The following PSMD8 variants were observed in gnomAD, a reference collection of about 807,000 sequenced individuals.
The protein encoded by PSMD8 is proteasome 26S subunit, non-ATPase 8, also known as 26S proteasome non-ATPase regulatory subunit 8.
A neutral mutation model predicts 40.0 loss-of-function variants in PSMD8; 30 were observed. That is an observed-to-expected ratio of 0.75 (90% CI 0.56 to 1.02). The LOEUF is 1.02. Among genes scored for constraint, PSMD8 ranks in the 50% least tolerant of loss-of-function variants. PSMD8 has a pLI of 0.00. For synonymous variants in PSMD8, 208 were observed against 192.5 expected, an observed-to-expected ratio of 1.08 and a Z score of -0.67; for missense variants, 461 against 463.9, an observed-to-expected ratio of 0.99 and a Z score of 0.06.
Position 38,376,356 on chromosome 19 carries a change from C to T in PSMD8, c.438C>T (p.Asp146=). The change falls in exon 3 of 7, where the codon GAC becomes GAT. Residue 146 remains aspartate, a synonymous_variant. Transcript: ENST00000215071. ...LTKQQLILAR[D]ILEIGAQWSI... ...AGCTCACTCTGTCACCCACAGGTGA[C>T]ATACTGGAGATCGGGGCCCAATGGA... The T allele has an allele frequency of 1.3e-6, 2 of 1,551,892 alleles. No homozygotes were observed. Among genetic ancestry groups the T allele is most frequent in the Non-Finnish European group, 8.7e-7 (1 of 1,146,796 alleles).
rs549189258 is a variant in PSMD8, at chr19:38,383,142, C to T, written c.916-111C>T. On this transcript the variant is annotated intron_variant, in intron 6 of 6. Transcript: ENST00000215071. ...TTGTCAAGGGTCGTTGGGCAGAGTA[C>T]GATTGGTGAGAAAAGAGAGCATAGG... 2.7e-5 allele frequency: 38 copies of T among 1,412,926 alleles called. 1 individual carries two copies. The highest frequency in any genetic ancestry group is 2.4e-4 in the South Asian group (19 of 78,384). The allele number at this position is 1,412,926 out of a possible 1,614,324, so 87.5% of individuals were successfully genotyped here. A position where few individuals can be genotyped will look rare whatever the true frequency, so the allele number is the denominator to read the frequency against.
chr19:38,376,096 C>T, intron 1 of PSMD8, 64 bp from the exon 2 acceptor site: 3 of 1,423,966 alleles, frequency 2.1e-6, no homozygotes, highest in South Asian at 2.5e-5. Context: ...GAGCGTAGAG[C>T]AGGTAAGTCA....
Position 38,382,138 on chromosome 19 carries a change from C to A in PSMD8, c.825C>A (p.Ile275=). The change falls in exon 6 of 7, where the codon ATC becomes ATA. Residue 275 remains isoleucine, a synonymous_variant. Coordinates refer to ENST00000215071, the MANE Select transcript of PSMD8 (RefSeq NM_002812.5). The part of the protein sequence containing the change: ...DTIRDEIAGC[I]EKAYEKILFT... ...CCAGGGATGAGATCGCTGGGTGCAT[C>A]GAGAAGGCCTACGAGAAAATCCTTT... 1 of 1,577,306 alleles carries A rather than the reference C, an allele frequency of 6.3e-7. No homozygotes were observed. The highest frequency in any genetic ancestry group is 8.6e-7 in the Non-Finnish European group (1 of 1,162,176).
At position 38,383,253 on chromosome 19, in the gene PSMD8, C is replaced by T. The variant is rs750883235; in HGVS notation, c.916C>T (p.Arg306Ter). The change falls in exon 7 of 7, where the codon CGA becomes TGA. Residue 306 changes from arginine (R) to a stop codon, truncating the protein, a stop_gained and splice_region_variant. Transcript: ENST00000215071. LOFTEE classifies it high-confidence loss of function. ...GTCTCTAATCCCTCCTTTCCTGCAGCGAGGGTGGGTCCTGGGCCCCAACAA... is the reference window on the plus strand; with the variant it reads ...GTCTCTAATCCCTCCTTTCCTGCAGTGAGGGTGGGTCCTGGGCCCCAACAA... The part of the protein sequence containing the change: ...PKKMTDYAKK[R>*]GWVLGPNNYY... 25 of 1,612,388 alleles carry T rather than the reference C, an allele frequency of 1.6e-5. No individual in the cohort carries two copies. Among genetic ancestry groups the T allele is most frequent in the Non-Finnish European group, 2.0e-5 (24 of 1,179,868 alleles).
In PSMD8 at chr19:38,381,019, C is replaced by T. The variant is rs1176977726; in HGVS notation, c.803+20C>T. ...TATCAGGTGCGTAGCGGGGCCGGGCCCTGTGGAGTTTGGAAAGAACTTGGG... is the reference window on the plus strand; with the variant it reads ...TATCAGGTGCGTAGCGGGGCCGGGCTCTGTGGAGTTTGGAAAGAACTTGGG... On this transcript the variant is annotated intron_variant, in intron 5 of 6. Transcript: ENST00000215071. 8 of 1,518,626 alleles carry T rather than the reference C, an allele frequency of 5.3e-6. No individual in the cohort carries two copies. The highest frequency in any genetic ancestry group is 7.1e-6 in the Non-Finnish European group (8 of 1,127,884). The allele number at this position is 1,518,626 out of a possible 1,614,324, so 94.1% of individuals were successfully genotyped here.
rs775477223 is a variant in PSMD8 at position 38,383,398 on chromosome 19, G to A, written c.*8G>A. 28 of 1,613,786 alleles carry A rather than the reference G, an allele frequency of 1.7e-5. No homozygotes were observed. Among genetic ancestry groups the A allele is most frequent in the East Asian group, 2.2e-5 (1 of 44,904 alleles). On this transcript the variant is annotated 3_prime_UTR_variant, in exon 7 of 7. Transcript: ENST00000215071. ...CTGGAGATGATCGTCTGAGCCCCCC[G>A]GGCACTGGGTGGGGCAGGGCACGAG... is the stretch of plus-strand genomic sequence containing the variant.
intron 6 of PSMD8, chr19:38,382,453 C>T: frequency 6.8e-6 from 4 of 586,426 alleles, no homozygotes; most frequent in South Asian, 2.1e-5. Flanking sequence ...GAGGTGGGCG[C>T]TGCACGCATG....
rs375312541 is a variant in PSMD8 at position 38,376,345 on chromosome 19, C to T, written c.434-7C>T. On this transcript the variant is annotated splice_region_variant and splice_polypyrimidine_tract_variant and intron_variant, in intron 2 of 6. Coordinates refer to ENST00000215071, the MANE Select transcript of PSMD8 (RefSeq NM_002812.5). ...CACCTCCTGAGAGCTCACTCTGTCA[C>T]CCACAGGTGACATACTGGAGATCGG... 1.7e-5 allele frequency: 26 copies of T among 1,550,122 alleles called. No homozygotes were observed. The highest frequency in any genetic ancestry group is 6.8e-5 in the African/African-American group (5 of 72,998).
chr19:38,374,656 A>G lies in PSMD8; in HGVS notation c.55A>G (p.Thr19Ala), dbSNP rs1307685359. 2 of 1,520,956 alleles carry G rather than the reference A, an allele frequency of 1.3e-6. No individual in the cohort carries two copies. The highest frequency in any genetic ancestry group is 2.5e-5 in the South Asian group (2 of 80,912). The allele number at this position is 1,520,956 out of a possible 1,614,324, so 94.2% of individuals were successfully genotyped here. The change falls in exon 1 of 7, where the codon ACC (threonine) becomes GCC (alanine). Residue 19 changes from threonine to alanine, a missense_variant. By Grantham distance (58) the Thr-to-Ala change is moderately conservative (BLOSUM62 0). Coordinates refer to ENST00000215071, the MANE Select transcript of PSMD8 (RefSeq NM_002812.5). ...GCCACCTCGAGAGCGACGGCGGGCTACCCGGGGCGGGCTGAGGCAGGTTGT... is the reference window on the plus strand; with the variant it reads ...GCCACCTCGAGAGCGACGGCGGGCTGCCCGGGGCGGGCTGAGGCAGGTTGT... ...RAPPRERRRA[T>A]RGGLRQVVAP...
chr19:38,375,061 T>C, intron 1 of PSMD8, 100 bp downstream of exon 1: 1 of 1,494,104 alleles, frequency 6.7e-7, no homozygotes, highest in East Asian at 2.5e-5. Flanking sequence ...GCCACCTCGG[T>C]GCCAGCGAGA....
chr19:38,378,850 G>T (rs951472925), intron 3 of PSMD8, among the ~76,000 whole-genome samples: 51 of 152,212 alleles, frequency 3.4e-4, no homozygotes, highest in African/African-American at 1.2e-3. Flanking sequence ...CTACTTGGGA[G>T]GCTAAATCAG....
intron 4 of PSMD8, among the ~76,000 whole-genome samples, chr19:38,380,598 G>A (rs1442741651): frequency 2.1e-5 from 3 of 139,860 alleles, no homozygotes; most frequent in African/African-American, 7.9e-5. Context: ...CTCCCTCCTG[G>A]AAAATAGATG....
chr19:38,376,178 A>G lies in PSMD8; in HGVS notation c.379A>G (p.Asn127Asp), dbSNP rs761594263. The change falls in exon 2 of 7, where the codon AAC becomes GAC. Residue 127 changes from asparagine to aspartate, a missense_variant. By Grantham distance (23) the Asn-to-Asp change is conservative (BLOSUM62 1). Around this residue, in one of 2 missense-constraint regions of PSMD8, gnomAD observed 236 missense variants for 321.2 expected, o/e 0.73. Transcript: ENST00000215071. ...GRLKLVLLEL[N>D]FLPTTGTKLT... ...CCATCAGCTAGTTCTTCTGGAGCTC[A>G]ACTTCTTGCCAACCACAGGGACCAA... 9 of 1,608,562 alleles carry G rather than the reference A, an allele frequency of 5.6e-6. No homozygotes were observed. Among genetic ancestry groups the G allele is most frequent in the Non-Finnish European group, 7.6e-6 (9 of 1,176,922 alleles).
chr19:38,380,370 G>A (rs745963882), intron 4 of PSMD8, among the ~76,000 whole-genome samples: 11 of 152,232 alleles, frequency 7.2e-5, no homozygotes, highest in East Asian at 3.8e-4. Flanking sequence ...TGTGTCTGCT[G>A]TGTTCGAAGG....
In PSMD8 at chr19:38,380,999, G is replaced by A; in HGVS notation, c.803G>A (p.Arg268Lys). The change falls in exon 5 of 7, where the codon AGG becomes AAG. Residue 268 changes from arginine to lysine, a missense_variant and splice_region_variant. Arg to Lys is a conservative substitution (Grantham distance 26). Coordinates refer to ENST00000215071, the MANE Select transcript of PSMD8 (RefSeq NM_002812.5). The part of the protein sequence containing the change: ...FFIDILLDTI[R>K]DEIAGCIEKA... Reference sequence around the variant, plus strand: ...ATTGACATCCTGCTCGACACTATCAGGTGCGTAGCGGGGCCGGGCCCTGTG... The same window carrying A: ...ATTGACATCCTGCTCGACACTATCAAGTGCGTAGCGGGGCCGGGCCCTGTG... The A allele has an allele frequency of 6.4e-7, 1 of 1,566,820 alleles. No homozygotes were observed. The highest frequency in any genetic ancestry group is 1.4e-5 in the African/African-American group (1 of 73,704).
In PSMD8 at chr19:38,379,392, T is replaced by C; in HGVS notation, c.689T>C (p.Val230Ala). The C allele has an allele frequency of 1.9e-6, 3 of 1,613,918 alleles. No individual in the cohort carries two copies. Among genetic ancestry groups the C allele is most frequent in the South Asian group, 1.1e-5 (1 of 91,080 alleles). The change falls in exon 4 of 7, where the codon GTG becomes GCG. Residue 230 changes from valine (V) to alanine (A), a missense_variant. Transcript: ENST00000215071. Reference protein sequence around the residue: ...IQTNVYIKHPVSLEQYLMEGS... With the variant: ...IQTNVYIKHPASLEQYLMEGS... ...ACCAATGTCTACATCAAGCACCCAG[T>C]GTCCCTGGAGCAAGTGAGATGGCAA...
chr19:38,379,166 C>T, intron 3 of PSMD8, 74 bp from the exon 4 acceptor site: 1 of 1,465,624 alleles, frequency 6.8e-7, no homozygotes, highest in African/African-American at 1.4e-5. Context: ...TGTGAGGATT[C>T]CTGGAGCCTG....
At chr19:38,381,086 T>A in intron 5 of PSMD8, 87 bp downstream of exon 5, 1 of 1,102,792 alleles carries the variant, frequency 9.1e-7, no homozygotes, top group South Asian at 1.6e-5. Context: ...ATTCCAGCCA[T>A]TGGTTGTCTG....
rs958060401 is a variant in PSMD8, at chr19:38,383,631, T to C, written c.*241T>C. On this transcript the variant is annotated 3_prime_UTR_variant, in exon 7 of 7. Coordinates refer to ENST00000215071, the MANE Select transcript of PSMD8 (RefSeq NM_002812.5). ...TGGGCATTGCTCAGGGTCTCAAACA[T>C]GGACGCCCACTGTGGGGCCCCAGCA... is the stretch of plus-strand genomic sequence containing the variant. 1.8e-6 allele frequency: 1 copy of C among 556,282 alleles called. No homozygotes were observed. Among genetic ancestry groups the C allele is most frequent in the African/African-American group, 1.9e-5 (1 of 52,794 alleles). 34.5% of individuals were successfully genotyped at this position (556,282 alleles called of 1,614,324 possible). A position where few individuals can be genotyped will look rare whatever the true frequency, so the allele number is the denominator to read the frequency against.
Sources: gnomAD v4.1 joint callset for allele counts (sites outside exome capture counted in the v4.1 genomes callset) on GRCh38, gnomAD v4.1.1 for gene constraint, gnomAD v4.1.1 regional missense constraint, MANE v1.5 for transcripts, NCBI Gene and HGNC (gene_info 2026-07-23, HGNC 2026-07-21) for gene names.